Variants in RNF111 observed in about 807,000 individuals in gnomAD.
The protein encoded by RNF111 is ring finger protein 111.
RNF111 carries 17 observed loss-of-function variants against 95.1 expected under a neutral mutation model. The observed-to-expected ratio is 0.18, with a 90% CI of 0.12 to 0.27. RNF111 has a LOEUF of 0.27. Among genes scored for constraint, RNF111 ranks in the 10% least tolerant of loss-of-function variants. The pLI is 1.00. For missense variants in RNF111, 1,189 were observed against 1,210.4 expected, an observed-to-expected ratio of 0.98 and a Z score of 0.26; for synonymous variants, 440 against 414.8, an observed-to-expected ratio of 1.06 and a Z score of -0.74.
At position 59,095,870 on chromosome 15, in the gene RNF111, A is replaced by G. The variant is rs2079168878; in HGVS notation, c.*970A>G. 2 of 396,150 alleles carry G rather than the reference A, an allele frequency of 5.0e-6. No homozygotes were observed. Among genetic ancestry groups the G allele is most frequent in the Non-Finnish European group, 8.9e-6 (2 of 224,716 alleles). The allele number at this position is 396,150 out of a possible 1,614,324, so 24.5% of individuals were successfully genotyped here. A position where few individuals can be genotyped will look rare whatever the true frequency, so the allele number is the denominator to read the frequency against. The stretch of plus-strand genomic sequence containing the variant: ...TTTGGAATTTAAGTCACTGGCAGGT[A>G]TCTGTGCATTCATAGAACTTATAAA... On this transcript the variant is annotated 3_prime_UTR_variant, in exon 14 of 14. Coordinates refer to ENST00000348370, the MANE Select transcript of RNF111 (RefSeq NM_017610.8).
At chr15:59,052,540 G>T (rs2042032474) in intron 3 of RNF111, 109 bp downstream of exon 3, 33 of 551,864 alleles carry the variant, frequency 6.0e-5, no homozygotes, top group Middle Eastern at 5.7e-4. Context: ...TTGAGACCCA[G>T]TTTGAGTATG....
rs540896119 is a variant in RNF111 at position 58,990,510 on chromosome 15, C to G, written c.-20+2442C>G. Among the ~76,000 whole-genome samples, 6 of 152,230 alleles carry G rather than the reference C, an allele frequency of 3.9e-5. No individual in the cohort carries two copies. The East Asian group carries it at 1.2e-3, about 29-fold the overall frequency. The stretch of plus-strand genomic sequence containing the variant: ...CTGAAAATACAAAAAATTAGCCGAG[C>G]TTAGTGGTGTGCGCCTGTAGTCCCA... On this transcript the variant is annotated intron_variant, in intron 1 of 13. Transcript: ENST00000348370.
chr15:59,082,393 A>G (rs115864886), intron 8 of RNF111, among the ~76,000 whole-genome samples: 180 of 152,362 alleles, frequency 1.2e-3, no homozygotes, highest in African/African-American at 4.0e-3. Context: ...TAAAGATATC[A>G]AAGATTTGAA....
chr15:59,090,718 G>A (rs1429607120), intron 11 of RNF111, among the ~76,000 whole-genome samples: 1 of 152,140 alleles, frequency 6.6e-6, no homozygotes, highest in Non-Finnish European at 1.5e-5. Context: ...TACCATTTCA[G>A]TTGGCTGAGG....
intron 2 of RNF111, among the ~76,000 whole-genome samples, chr15:59,036,332 A>G (rs1442348793): frequency 6.6e-6 from 1 of 152,138 alleles, no homozygotes; most frequent in African/African-American, 2.4e-5. Context: ...AAGTGCTGGG[A>G]TTACAGGTTT....
chr15:59,014,254 C>A (rs1050605576), intron 1 of RNF111, among the ~76,000 whole-genome samples: 3 of 152,194 alleles, frequency 2.0e-5, no homozygotes, highest in Non-Finnish European at 4.4e-5. Flanking sequence ...CTACCAGATG[C>A]TACAGGCTTG....
At chr15:59,083,948 T>G in intron 8 of RNF111, 181 bp from the exon 9 acceptor site, 1 of 369,530 alleles carries the variant, frequency 2.7e-6, no homozygotes, top group Non-Finnish European at 4.3e-6. Flanking sequence ...GAGAAGGTGA[T>G]GGTTTCTTGA....
At chr15:59,054,616 C>G (rs906118047) in intron 3 of RNF111, among the ~76,000 whole-genome samples, 6 of 148,666 alleles carry the variant, frequency 4.0e-5, no homozygotes, top group African/African-American at 1.5e-4. Flanking sequence ...TTGACAGTGG[C>G]TCGGTAATTA....
intron 5 of RNF111, among the ~76,000 whole-genome samples, chr15:59,059,135 A>G (rs1376308070): frequency 6.6e-6 from 1 of 152,136 alleles, no homozygotes; most frequent in Non-Finnish European, 1.5e-5. Flanking sequence ...AAAATAAAAA[A>G]GTAAAAAGAA....
At position 59,052,555 on chromosome 15, in the gene RNF111, T is replaced by C. The variant is rs182037467; in HGVS notation, c.1007+124T>C. 5.2e-5 allele frequency: 30 copies of C among 576,960 alleles called. No individual in the cohort carries two copies. In the African/African-American group the frequency reaches 5.5e-4, roughly 11 times the overall value. The allele number at this position is 576,960 out of a possible 1,614,324, so 35.7% of individuals were successfully genotyped here. A position where few individuals can be genotyped will look rare whatever the true frequency, so the allele number is the denominator to read the frequency against. On this transcript the variant is annotated intron_variant, in intron 3 of 13. Transcript: ENST00000348370. ...TTGAGACCCAGTTTGAGTATGCATA[T>C]ATCAGATTAGTGGATTTTTTTTTTT...
intron 1 of RNF111, among the ~76,000 whole-genome samples, chr15:58,996,072 AT>A (rs1433255542): frequency 6.6e-6 from 1 of 151,868 alleles, no homozygotes; most frequent in Non-Finnish European, 1.5e-5. Context: ...TCATAAAGCA[AT>A]TTTTTTCTTC....
At chr15:59,055,513 T>G (rs2042165750) in intron 3 of RNF111, among the ~76,000 whole-genome samples, 169 bp from the exon 4 acceptor site, 1 of 152,098 alleles carries the variant, frequency 6.6e-6, no homozygotes, top group South Asian at 2.1e-4. Flanking sequence ...TCTTATATTC[T>G]TAGGTCAATT....
chr15:59,055,578 C>G (rs1020647384), intron 3 of RNF111, 104 bp from the exon 4 acceptor site: 1 of 864,440 alleles, frequency 1.2e-6, no homozygotes, highest in African/African-American at 1.7e-5. Flanking sequence ...TTGGAGAAAT[C>G]TTGTATGAAA....
Position 59,031,537 on chromosome 15 carries a change from C to A in RNF111, c.715C>A (p.Arg239=). Residue 239 remains arginine, a synonymous_variant, in exon 2 of 14, where the codon CGA becomes AGA. Transcript: ENST00000348370. ...GAGGATATTAATGCAGAGGAAGAAA[C>A]GAGAAGTGTTAGCTCGAAGAAAATA... is the stretch of plus-strand genomic sequence containing the variant. ...KERILMQRKK[R]EVLARRKYAL... is the part of the protein sequence containing the mutation. 6.2e-7 allele frequency: 1 copy of A among 1,614,124 alleles called. No individual in the cohort carries two copies. Among genetic ancestry groups the A allele is most frequent in the East Asian group, 2.2e-5 (1 of 44,880 alleles).
intron 7 of RNF111, among the ~76,000 whole-genome samples, chr15:59,080,141 G>A (rs1179940529): frequency 1.1e-5 from 1 of 91,754 alleles, no homozygotes; most frequent in African/African-American, 4.3e-5. Context: ...TTTTTTTTGA[G>A]GTGGAGTCTC....
chr15:59,075,177 T>G (rs2043113776), intron 6 of RNF111, among the ~76,000 whole-genome samples: 1 of 152,210 alleles, frequency 6.6e-6, no homozygotes. Context: ...ACACAGAGTT[T>G]CCACATGCTG....
At chr15:59,044,648 C>T (rs1439497095) in intron 2 of RNF111, among the ~76,000 whole-genome samples, 1 of 152,014 alleles carries the variant, frequency 6.6e-6, no homozygotes, top group African/African-American at 2.4e-5. Flanking sequence ...AAGAAAATCA[C>T]CCACAGTCCT....
intron 2 of RNF111, among the ~76,000 whole-genome samples, chr15:59,039,447 G>T (rs1360665505): frequency 6.6e-6 from 1 of 152,176 alleles, no homozygotes; most frequent in Admixed American, 6.5e-5. Context: ...TGTTCTAGCA[G>T]CATCCAAAGA....
intron 2 of RNF111, among the ~76,000 whole-genome samples, chr15:59,043,533 A>G (rs557219693): frequency 7.9e-5 from 12 of 152,314 alleles, no homozygotes; most frequent in African/African-American, 2.9e-4. Context: ...AGTCATGAAG[A>G]TGAGATACGA....
Sources: gnomAD v4.1 joint callset for allele counts (sites outside exome capture counted in the v4.1 genomes callset) on GRCh38, gnomAD v4.1.1 for gene constraint, MANE v1.5 for transcripts, NCBI Gene and HGNC (gene_info 2026-07-23, HGNC 2026-07-21) for gene names.